The following ACOT12 variants were observed in gnomAD, a reference collection of about 807,000 sequenced individuals.
ACOT12 encodes the protein acetyl-coenzyme A thioesterase.
In ACOT12, 51 loss-of-function variants were observed where a neutral mutation model predicts 67.7. That is an observed-to-expected ratio of 0.75 (90% CI 0.60 to 0.95). The LOEUF (loss-of-function observed/expected upper bound fraction) is 0.95, where lower values mean the gene tolerates loss of function less well. Among genes scored for constraint, ACOT12 ranks in the 40% least tolerant of loss-of-function variants. The pLI, the probability that ACOT12 is intolerant of heterozygous loss-of-function variation, is 0.00. For missense variants in ACOT12, 734 were observed against 708.1 expected (o/e 1.04, Z -0.41); for synonymous variants, 251 against 244.6 (o/e 1.03, Z -0.24).
At chr5:81,391,788 C>T (rs1760871192) in intron 1 of ACOT12, among the ~76,000 whole-genome samples, 1 of 152,144 alleles carries the variant, frequency 6.6e-6, no homozygotes, top group East Asian at 1.9e-4. Context: ...GCTTGGATTT[C>T]AGAGACTCCT....
chr5:81,332,400 A>G, intron 13 of ACOT12, 77 bp downstream of exon 13: 1 of 1,500,762 alleles, frequency 6.7e-7, no homozygotes, highest in Non-Finnish European at 9.1e-7. Context: ...CACAGACTTC[A>G]TTATTTTCAC....
At chr5:81,312,611 ACCTAAAC>A in the ACOT12 span, 1 of 1,614,002 alleles carries the variant, frequency 6.2e-7, no homozygotes, top group Non-Finnish European at 8.5e-7. Context: ...TTTTGGATGT[ACCTAAAC>A]CGCAAAAACC....
chr5:81,326,338 G>A (rs1210258624), downstream of ACOT12, among the ~76,000 whole-genome samples: 3 of 151,734 alleles, frequency 2.0e-5, no homozygotes, highest in Non-Finnish European at 4.4e-5. Flanking sequence ...TGGTCAGGCT[G>A]GTCTCAAGCT....
downstream of ACOT12, among the ~76,000 whole-genome samples, chr5:81,327,688 G>A (rs1165399898): frequency 1.3e-5 from 2 of 152,184 alleles, no homozygotes; most frequent in African/African-American, 4.8e-5. Flanking sequence ...TGATCCACCC[G>A]CCTTGGCCTC....
the ACOT12 span, among the ~76,000 whole-genome samples, chr5:81,313,791 A>G: frequency 1.4e-4 from 22 of 152,354 alleles, no homozygotes; most frequent in East Asian, 3.3e-3. Flanking sequence ...GCACAACTCG[A>G]CAGTTCTAGT....
intron 5 of ACOT12, among the ~76,000 whole-genome samples, chr5:81,353,713 C>T (rs927601280): frequency 2.6e-5 from 4 of 152,208 alleles, no homozygotes; most frequent in Non-Finnish European, 4.4e-5. Flanking sequence ...CCTGCTTTTA[C>T]AAAACTAATC....
the ACOT12 span, among the ~76,000 whole-genome samples, chr5:81,313,655 A>G: frequency 2.7e-4 from 41 of 152,356 alleles, no homozygotes; most frequent in South Asian, 7.7e-3. Context: ...TTTGTGTTTC[A>G]TTTGAAATTT....
downstream of ACOT12, among the ~76,000 whole-genome samples, chr5:81,326,117 CTTTTTTT>C (rs1199895738): frequency 1.7e-4 from 13 of 77,046 alleles, no homozygotes; most frequent in South Asian, 2.8e-3. Flanking sequence ...CCCTGAGATT[CTTTTTTT>C]TTTTTTTTTT....
chr5:81,366,184 G>A (rs767522954), intron 3 of ACOT12, among the ~76,000 whole-genome samples: 8 of 152,174 alleles, frequency 5.3e-5, no homozygotes, highest in Non-Finnish European at 8.8e-5. Context: ...AGTTTAAAAC[G>A]TATCTTTAAA....
intron 4 of ACOT12, among the ~76,000 whole-genome samples, chr5:81,361,784 G>A (rs987892930): frequency 6.6e-6 from 1 of 152,172 alleles, no homozygotes; most frequent in Non-Finnish European, 1.5e-5. Flanking sequence ...GTGGAGTCTT[G>A]CAAGTCCCTT....
chr5:81,374,398 AG>A (rs1760346577), intron 2 of ACOT12, among the ~76,000 whole-genome samples: 1 of 152,220 alleles, frequency 6.6e-6, no homozygotes, highest in Admixed American at 6.5e-5. Flanking sequence ...CAGCGCAAAA[AG>A]GCTGAAAATT....
chr5:81,363,740 T>G (rs770826490), intron 4 of ACOT12, 48 bp downstream of exon 4: 1 of 1,401,924 alleles, frequency 7.1e-7, no homozygotes, highest in African/African-American at 1.4e-5. Context: ...CAATTGTTAC[T>G]ATGTCCCTGA....
At chr5:81,364,137 A>G (rs1430899175) in intron 3 of ACOT12, among the ~76,000 whole-genome samples, 2 of 151,898 alleles carry the variant, frequency 1.3e-5, no homozygotes, top group African/African-American at 4.8e-5. Flanking sequence ...CAGAGTATAT[A>G]TTATCAGTAA....
intron 9 of ACOT12, 98 bp from the exon 10 acceptor site, chr5:81,343,979 G>T: frequency 7.9e-7 from 1 of 1,265,490 alleles, no homozygotes; most frequent in Non-Finnish European, 1.1e-6. Flanking sequence ...ATCAGCCATG[G>T]ATATCAGTGG....
At position 81,345,877 on chromosome 5, in the gene ACOT12, C is replaced by A; in HGVS notation, c.773+8G>T. On this transcript the variant is annotated splice_region_variant and intron_variant, in intron 7 of 14. Transcript: ENST00000307624. ...ATTTCTTCATAGCAGCCTAAGGGCT[C>A]ACTTTACCAGGTCTGAAATGTATTG... 6.2e-7 allele frequency: 1 copy of A among 1,613,586 alleles called. No homozygotes were observed. The highest frequency in any genetic ancestry group is 8.5e-7 in the Non-Finnish European group (1 of 1,179,684).
At chr5:81,374,676 C>T (rs1455268559) in intron 2 of ACOT12, among the ~76,000 whole-genome samples, 2 of 152,116 alleles carry the variant, frequency 1.3e-5, no homozygotes, top group South Asian at 2.1e-4. Flanking sequence ...AAACACAGCA[C>T]GAGAACTTCA....
intron 2 of ACOT12, among the ~76,000 whole-genome samples, chr5:81,382,347 G>C (rs1272939675): frequency 6.6e-6 from 1 of 152,132 alleles, no homozygotes; most frequent in African/African-American, 2.4e-5. Flanking sequence ...CTAAGTTTGT[G>C]GGGGAAAATG....
At chr5:81,324,572 G>T in the ACOT12 span, among the ~76,000 whole-genome samples, 13 of 152,198 alleles carry the variant, frequency 8.5e-5, no homozygotes, top group African/African-American at 2.9e-4. Context: ...ATACTGGTTA[G>T]ACTCACTGAG....
At chr5:81,347,731 T>C (rs1344676711) in intron 6 of ACOT12, 43 bp downstream of exon 6, 1 of 1,601,076 alleles carries the variant, frequency 6.2e-7, no homozygotes, top group Non-Finnish European at 8.5e-7. Flanking sequence ...TACTTTCTCC[T>C]CACTGGTCCC....
Sources: allele counts gnomAD v4.1 joint callset (sites outside exome capture counted in the v4.1 genomes callset), GRCh38; gene constraint gnomAD v4.1.1; transcripts MANE v1.5; gene names NCBI Gene and HGNC (gene_info 2026-07-23, HGNC 2026-07-21).